The following STK10 variants were observed in gnomAD, a reference collection of about 807,000 sequenced individuals.
STK10 encodes serine/threonine-protein kinase 10.
In STK10, 78 loss-of-function variants were observed where a neutral mutation model predicts 113.8. The ratio of observed to expected loss-of-function variants is 0.69; its 90% CI spans 0.57 to 0.83. The LOEUF is 0.83. Among genes scored for constraint, STK10 ranks in the 40% least tolerant of loss-of-function variants. The pLI is 0.00. For synonymous variants in STK10, 465 were observed against 494.7 expected, an observed-to-expected ratio of 0.94 and a Z score of 0.80; for missense variants, 1,109 against 1,280.1, an observed-to-expected ratio of 0.87 and a Z score of 2.04.
chr5:172,092,440 A>G (rs563158487), intron 9 of STK10: 1 of 151,780 alleles, frequency 6.6e-6, no homozygotes, highest in Admixed American at 6.6e-5. Context: ...TTTTTCACTC[A>G]GTGTCTTCAG....
At chr5:172,181,413 T>C (rs1770851385) in intron 1 of STK10, among the ~76,000 whole-genome samples, 1 of 152,178 alleles carries the variant, frequency 6.6e-6, no homozygotes, top group Non-Finnish European at 1.5e-5. Context: ...TACGAAGGGA[T>C]AATTGTCTTC....
In STK10 at chr5:172,089,393, CATGGATGGATGGATGGATGGATGGATGG is replaced by C. The variant is rs5873300; in HGVS notation, c.1685+811_1685+838del. Among the ~76,000 whole-genome samples, 986 of 132,990 alleles carry C rather than the reference CATGGATGGATGGATGGATGGATGGATGG, an allele frequency of 7.4e-3. 13 individuals are homozygous for C. Among genetic ancestry groups the C allele is most frequent in the African/African-American group, 0.03 (922 of 31,072 alleles). The allele number at this position is 132,990 out of a possible 152,430, so 87.2% of individuals were successfully genotyped here. ...CTCCAACCTGGTGGGTTGGTGGATA[CATGGATGGATGGATGGATGGATGGATGG>C]ATGGATGGATGGATGGATGGATGGA... On this transcript the variant is annotated intron_variant, in intron 10 of 18. Coordinates refer to ENST00000176763, the MANE Select transcript of STK10 (RefSeq NM_005990.4).
chr5:172,156,907 C>A (rs1029210752), intron 1 of STK10, 119 bp from the exon 2 acceptor site: 1 of 1,146,134 alleles, frequency 8.7e-7, no homozygotes, highest in Non-Finnish European at 1.2e-6. Flanking sequence ...AGATGCTGAA[C>A]CGGAACGTAC....
At chr5:172,123,043 A>G (rs191231929) in intron 3 of STK10, among the ~76,000 whole-genome samples, 2 of 152,304 alleles carry the variant, frequency 1.3e-5, no homozygotes, top group African/African-American at 4.8e-5. Flanking sequence ...TATTCTCTCC[A>G]TCTCACAAAA....
rs148086376 is a variant in STK10, at chr5:172,090,357, C to T, written c.1560G>A (p.Pro520=). ...KEMGSLSIKD[P]KLYKKTLKRT... Reference sequence around the variant, plus strand: ...GCTTGAGGGTTTTTTTGTACAGTTTCGGGTCCTGGCCAGGGAAAACCATTA... The same window carrying T: ...GCTTGAGGGTTTTTTTGTACAGTTTTGGGTCCTGGCCAGGGAAAACCATTA... Residue 520 remains proline (P), a synonymous_variant, in exon 10 of 19, where the codon CCG becomes CCA. Coordinates refer to ENST00000176763, the MANE Select transcript of STK10 (RefSeq NM_005990.4). The T allele has an allele frequency of 3.1e-4, 499 of 1,613,472 alleles. No individual in the cohort carries two copies. Among genetic ancestry groups the T allele is most frequent in the Non-Finnish European group, 4.1e-4 (483 of 1,179,762 alleles).
At chr5:172,078,473 G>T (rs955523642) in intron 12 of STK10, among the ~76,000 whole-genome samples, 4 of 151,820 alleles carry the variant, frequency 2.6e-5, no homozygotes, top group African/African-American at 9.7e-5. Flanking sequence ...GGGCAAGTAA[G>T]TGAGACCCCT....
chr5:172,188,073 T>G lies in STK10; in HGVS notation c.-31A>C, dbSNP rs1770993768. 2 of 1,596,270 alleles carry G rather than the reference T, an allele frequency of 1.3e-6. No individual in the cohort carries two copies. The highest frequency in any genetic ancestry group is 4.5e-5 in the East Asian group (2 of 44,298). ...GGGGCGCGGTGGCGCCGGCTCGGGC[T>G]CGGGCTCGGGCTCGGGCTGTGGCTT... On this transcript the variant is annotated 5_prime_UTR_variant, in exon 1 of 19. Transcript: ENST00000176763. The surrounding 1 kb of genome is among the most constrained non-coding windows in gnomAD (Gnocchi z 5.6).
chr5:172,063,479 T>G (rs1255561063), intron 13 of STK10: 1 of 152,206 alleles, frequency 6.6e-6, no homozygotes, highest in Non-Finnish European at 1.5e-5. Context: ...GATAACTCCT[T>G]CAGGATTTTC....
At chr5:172,070,684 T>G (rs1768157879) in intron 12 of STK10, among the ~76,000 whole-genome samples, 1 of 151,920 alleles carries the variant, frequency 6.6e-6, no homozygotes, top group African/African-American at 2.4e-5. Context: ...AAGCTGGTTC[T>G]TTGATAAGGT....
chr5:172,098,475 G>A (rs1768906387), intron 7 of STK10, among the ~76,000 whole-genome samples: 1 of 152,136 alleles, frequency 6.6e-6, no homozygotes, highest in Admixed American at 6.6e-5. Flanking sequence ...GCCATGAGAC[G>A]GGCAGGATGG....
At chr5:172,053,314 A>C in intron 17 of STK10, 1 of 368,154 alleles carries the variant, frequency 2.7e-6, no homozygotes, top group Non-Finnish European at 5.0e-6. Context: ...TACAGCAAGA[A>C]GGCAGCTGTC....
intron 18 of STK10, among the ~76,000 whole-genome samples, chr5:172,046,896 T>C (rs1767505546): frequency 6.6e-6 from 1 of 152,206 alleles, no homozygotes; most frequent in African/African-American, 2.4e-5. Context: ...GAAATAAATA[T>C]TATCTACATT....
At chr5:172,057,607 T>C in intron 14 of STK10, 134 bp from the exon 15 acceptor site, 1 of 1,393,182 alleles carries the variant, frequency 7.2e-7, no homozygotes, top group South Asian at 1.4e-5. Context: ...AATTGCCACA[T>C]GTTCTACCTC....
chr5:172,082,254 C>T lies in STK10; in HGVS notation c.1989+72G>A. 1 of 1,429,970 alleles carries T rather than the reference C, an allele frequency of 7.0e-7. No individual in the cohort carries two copies. Among genetic ancestry groups the T allele is most frequent in the Non-Finnish European group, 9.2e-7 (1 of 1,087,638 alleles). 88.6% of individuals were successfully genotyped at this position (1,429,970 alleles called of 1,614,324 possible). ...CTCTGCTGCCAAGGTGAGGTTGAGGCCACGATCACTTGCAACCAAGAAGGC... is the reference window on the plus strand; with the variant it reads ...CTCTGCTGCCAAGGTGAGGTTGAGGTCACGATCACTTGCAACCAAGAAGGC... On this transcript the variant is annotated intron_variant, in intron 12 of 18. Transcript: ENST00000176763. The surrounding 1 kb of genome is among the most constrained non-coding windows in gnomAD (Gnocchi z 4.3).
At chr5:172,180,758 G>A (rs1770841444) in intron 1 of STK10, among the ~76,000 whole-genome samples, 1 of 152,164 alleles carries the variant, frequency 6.6e-6, no homozygotes, top group Non-Finnish European at 1.5e-5. Flanking sequence ...TCAGTGAGCT[G>A]AGATTGCACC....
At chr5:172,143,724 T>C (rs1486364951) in intron 2 of STK10, among the ~76,000 whole-genome samples, 1 of 152,226 alleles carries the variant, frequency 6.6e-6, no homozygotes, top group Non-Finnish European at 1.5e-5. Context: ...ATGGACTATG[T>C]AGGTTCAAAG....
intron 1 of STK10, among the ~76,000 whole-genome samples, chr5:172,175,235 G>A (rs1028563145): frequency 3.3e-5 from 5 of 152,204 alleles, no homozygotes; most frequent in Admixed American, 2.6e-4. Context: ...TAGGCTGGTC[G>A]TGAACTCCTA....
At chr5:172,089,558 T>C (rs1343929966) in intron 10 of STK10, among the ~76,000 whole-genome samples, 2 of 151,410 alleles carry the variant, frequency 1.3e-5, no homozygotes, top group Admixed American at 6.6e-5. Context: ...AGTAGGTAAA[T>C]AGATAGATGG....
chr5:172,130,402 G>T (rs1273110171), intron 2 of STK10, among the ~76,000 whole-genome samples: 2 of 152,026 alleles, frequency 1.3e-5, no homozygotes, highest in Non-Finnish European at 2.9e-5. Context: ...GTGGTGGCGG[G>T]CACCTGTAAT....
Sources: allele counts gnomAD v4.1 joint callset (sites outside exome capture counted in the v4.1 genomes callset), GRCh38; gene constraint gnomAD v4.1.1; non-coding constraint Gnocchi (gnomAD v3.1); transcripts MANE v1.5; gene names NCBI Gene and HGNC (gene_info 2026-07-23, HGNC 2026-07-21).